GABRG3: variants seen among roughly 807,000 people sequenced by gnomAD.
The protein encoded by GABRG3 is gamma-aminobutyric acid receptor subunit gamma-3.
A neutral mutation model predicts 48.8 loss-of-function variants in GABRG3; 25 were observed. That is an observed-to-expected ratio of 0.51 (90% CI 0.37 to 0.72). The LOEUF (loss-of-function observed/expected upper bound fraction) is 0.72, where lower values mean the gene tolerates loss of function less well. GABRG3 is among the 30% of genes least tolerant of loss of function. The probability of loss-of-function intolerance (pLI) is 0.00; values close to 1 mark genes in which losing one functional copy is unlikely to be tolerated. For synonymous variants in GABRG3, 227 were observed against 217.6 expected, an observed-to-expected ratio of 1.04 and a Z score of -0.38; for missense variants, 394 against 577.9, an observed-to-expected ratio of 0.68 and a Z score of 3.26.
In GABRG3 at chr15:27,150,144, T is replaced by C. The variant is rs138746605; in HGVS notation, c.270+123323T>C. On this transcript the variant is annotated intron_variant, in intron 3 of 9. Transcript: ENST00000615808. The stretch of plus-strand genomic sequence containing the variant: ...ATCATTTAGATGTTTCTTTTGGGAA[T>C]AGGAAGGGTTGACCTTCTTTCTTTC... Among the ~76,000 whole-genome samples, 8 of 152,340 alleles carry C rather than the reference T, an allele frequency of 5.3e-5. No individual in the cohort carries two copies. In the East Asian group the frequency reaches 1.3e-3, roughly 26 times the overall value.
intron 5 of GABRG3, among the ~76,000 whole-genome samples, chr15:27,390,590 T>C (rs748088935): frequency 7.9e-5 from 12 of 152,222 alleles, no homozygotes; most frequent in Non-Finnish European, 1.5e-4. Flanking sequence ...GGGTGCACAT[T>C]GTCTGCCCTC....
intron 3 of GABRG3, among the ~76,000 whole-genome samples, chr15:27,263,882 C>T (rs1046629909): frequency 6.7e-6 from 1 of 149,800 alleles, no homozygotes; most frequent in Non-Finnish European, 1.5e-5. Context: ...GCCGAGATCG[C>T]GCCACTGCAC....
At chr15:26,991,118 T>G (rs906746062) in intron 2 of GABRG3, among the ~76,000 whole-genome samples, 13 of 152,192 alleles carry the variant, frequency 8.5e-5, no homozygotes, top group Non-Finnish European at 1.6e-4. Context: ...GGGGCCAAGT[T>G]TCATTCTTCT....
chr15:27,036,146 T>C (rs6606861), intron 3 of GABRG3, among the ~76,000 whole-genome samples: 100,943 of 152,070 alleles, frequency 0.66, 33,539 homozygotes, highest in East Asian at 0.73. Context: ...AATAAACAAA[T>C]ATGCACACTG....
At chr15:27,068,008 G>A (rs1182158968) in intron 3 of GABRG3, among the ~76,000 whole-genome samples, 1 of 152,182 alleles carries the variant, frequency 6.6e-6, no homozygotes, top group East Asian at 1.9e-4. Context: ...GAAGAATACA[G>A]GAATAGCAGA....
intron 5 of GABRG3, among the ~76,000 whole-genome samples, chr15:27,446,672 A>G (rs867689121): frequency 6.6e-6 from 1 of 151,944 alleles, no homozygotes; most frequent in Non-Finnish European, 1.5e-5. Context: ...TCTTAATTTT[A>G]TTTTTGGAAT....
At chr15:27,091,533 A>G (rs1897185343) in intron 3 of GABRG3, among the ~76,000 whole-genome samples, 1 of 152,148 alleles carries the variant, frequency 6.6e-6, no homozygotes, top group Non-Finnish European at 1.5e-5. Flanking sequence ...TTTGAGAAGG[A>G]CTGGTGTTGA....
intron 3 of GABRG3, among the ~76,000 whole-genome samples, chr15:27,257,050 T>C (rs1383394216): frequency 2.0e-5 from 3 of 152,168 alleles, no homozygotes; most frequent in African/African-American, 7.2e-5. Flanking sequence ...TGCACTAGGG[T>C]TCCCTTTTTA....
chr15:27,052,915 A>G (rs1262832006), intron 3 of GABRG3, among the ~76,000 whole-genome samples: 1 of 152,220 alleles, frequency 6.6e-6, no homozygotes, highest in Non-Finnish European at 1.5e-5. Context: ...CAATAGGGAA[A>G]GGACTCTCTG....
At chr15:27,259,741 G>T (rs1357909342) in intron 3 of GABRG3, among the ~76,000 whole-genome samples, 1 of 152,106 alleles carries the variant, frequency 6.6e-6, no homozygotes, top group Non-Finnish European at 1.5e-5. Context: ...ATTGAATGAG[G>T]TATTAAATGG....
rs1891539534 is a variant in GABRG3, at chr15:27,536,037, T to G, written c.*3156T>G. ...TCTGCATTCCAAAGGTGCTACTGTGTTCCTCACTTTCAGAAATACTCTAAG... is the reference window on the plus strand; with the variant it reads ...TCTGCATTCCAAAGGTGCTACTGTGGTCCTCACTTTCAGAAATACTCTAAG... On this transcript the variant is annotated 3_prime_UTR_variant, in exon 10 of 10. Coordinates refer to ENST00000615808, the MANE Select transcript of GABRG3 (RefSeq NM_033223.5). 2 of 152,252 alleles carry G rather than the reference T, an allele frequency of 1.3e-5. No homozygotes were observed. Among genetic ancestry groups the G allele is most frequent in the South Asian group, 4.1e-4 (2 of 4,836 alleles). 9.4% of individuals were successfully genotyped at this position (152,252 alleles called of 1,614,324 possible). A position where few individuals can be genotyped will look rare whatever the true frequency, so the allele number is the denominator to read the frequency against.
rs566517534 is a variant in GABRG3 at position 27,107,828 on chromosome 15, T to C, written c.270+81007T>C. On this transcript the variant is annotated intron_variant, in intron 3 of 9. Transcript: ENST00000615808. ...CAACTAATTATTAAATTTGTTGATATAGTTTTATTAACAATTTATCAAATT... is the reference window on the plus strand; with the variant it reads ...CAACTAATTATTAAATTTGTTGATACAGTTTTATTAACAATTTATCAAATT... Among the ~76,000 whole-genome samples the C allele has an allele frequency of 5.9e-5, 9 of 152,050 alleles. No homozygotes were observed. In the South Asian group the frequency reaches 1.7e-3, roughly 28 times the overall value.
chr15:27,193,388 G>A (rs975788776), intron 3 of GABRG3, among the ~76,000 whole-genome samples: 1 of 151,696 alleles, frequency 6.6e-6, no homozygotes. Context: ...CTAGCTTCCC[G>A]GCTGCTTTGT....
intron 5 of GABRG3, among the ~76,000 whole-genome samples, chr15:27,426,005 A>G (rs906608918): frequency 6.6e-6 from 1 of 152,340 alleles, no homozygotes. Context: ...AGAATGTTAT[A>G]GAACAATCAC....
In GABRG3 at chr15:27,077,895, C is replaced by G. The variant is rs147734168; in HGVS notation, c.270+51074C>G. Among the ~76,000 whole-genome samples, 399 of 152,310 alleles carry G rather than the reference C, an allele frequency of 2.6e-3. 1 individual carries two copies. The highest frequency in any genetic ancestry group is 9.3e-3 in the African/African-American group (387 of 41,568). ...AGTTCTCAGCATCATCACAGCCCAG[C>G]AAATATCAGGGGAGCTATTGTGCAC... On this transcript the variant is annotated intron_variant, in intron 3 of 9. Transcript: ENST00000615808.
At chr15:27,292,422 G>A (rs572650325) in intron 3 of GABRG3, among the ~76,000 whole-genome samples, 1 of 149,814 alleles carries the variant, frequency 6.7e-6, no homozygotes, top group African/African-American at 2.5e-5. Flanking sequence ...AGAACCTAAA[G>A]TATGATAAAA....
In GABRG3 at chr15:26,976,351, G is replaced by T. The variant is rs1894944053; in HGVS notation, c.54-651G>T. On this transcript the variant is annotated intron_variant, in intron 1 of 9. Transcript: ENST00000615808. This position sits in a 1 kb window ranked among gnomAD's most constrained non-coding sequence, Gnocchi z 7.8. ...TGTGTTAGCCTGCTGTGCAGGAGAT[G>T]AATCAGTTTGTGTTGACCGAGGCGT... is the stretch of plus-strand genomic sequence containing the variant. Among the ~76,000 whole-genome samples, 2 of 152,216 alleles carry T rather than the reference G, an allele frequency of 1.3e-5. No homozygotes were observed. Among genetic ancestry groups the T allele is most frequent in the South Asian group, 4.1e-4 (2 of 4,834 alleles).
At chr15:27,078,713 A>T (rs1405701674) in intron 3 of GABRG3, among the ~76,000 whole-genome samples, 5 of 152,208 alleles carry the variant, frequency 3.3e-5, no homozygotes, top group Admixed American at 2.6e-4. Flanking sequence ...GGATGAAAGG[A>T]GACCATGCTT....
At chr15:27,140,039 C>T (rs981981899) in intron 3 of GABRG3, among the ~76,000 whole-genome samples, 8 of 152,204 alleles carry the variant, frequency 5.3e-5, no homozygotes, top group African/African-American at 4.8e-5. Flanking sequence ...GGCTCGGAAG[C>T]TCCACTTCCT....
Sources: allele counts gnomAD v4.1 joint callset (sites outside exome capture counted in the v4.1 genomes callset), GRCh38; gene constraint gnomAD v4.1.1; non-coding constraint Gnocchi (gnomAD v3.1); transcripts MANE v1.5; gene names NCBI Gene and HGNC (gene_info 2026-07-23, HGNC 2026-07-21).